The following LRP1B variants were observed in gnomAD, a reference collection of about 807,000 sequenced individuals.
The protein encoded by LRP1B is low-density lipoprotein receptor-related protein 1B.
A neutral mutation model predicts 556.6 loss-of-function variants in LRP1B; 217 were observed. That is an observed-to-expected ratio of 0.39 (90% CI 0.35 to 0.44). The LOEUF (loss-of-function observed/expected upper bound fraction) is 0.44. LRP1B is among the 20% of genes least tolerant of loss of function. The probability of loss-of-function intolerance (pLI) is 1.00; values close to 1 mark genes in which losing one functional copy is unlikely to be tolerated. For synonymous variants in LRP1B, 2,047 were observed against 1,865.8 expected (o/e 1.10, Z -2.50); for missense variants, 5,053 against 5,620.8 (o/e 0.90, Z 3.23).
At chr2:140,775,975 C>CT (rs1248260640) in intron 33 of LRP1B, 123 bp downstream of exon 33, 2 of 837,830 alleles carry the variant, frequency 2.4e-6, no homozygotes, top group African/African-American at 3.6e-5. Flanking sequence ...CAACATTTTC[C>CT]TTTTTTCTCT....
intron 7 of LRP1B, among the ~76,000 whole-genome samples, chr2:141,079,101 ACT>A (rs1699862819): frequency 6.6e-6 from 1 of 152,192 alleles, no homozygotes; most frequent in African/African-American, 2.4e-5. Context: ...ATAAACCCAC[ACT>A]TTCTTATAGT....
At chr2:142,054,619 A>G (rs1382317244) in intron 1 of LRP1B, among the ~76,000 whole-genome samples, 2 of 152,144 alleles carry the variant, frequency 1.3e-5, no homozygotes, top group Admixed American at 1.3e-4. Flanking sequence ...TTCGGCTTGT[A>G]TTACATTATT....
At chr2:141,832,666 A>G (rs1345685234) in intron 1 of LRP1B, among the ~76,000 whole-genome samples, 1 of 151,776 alleles carries the variant, frequency 6.6e-6, no homozygotes, top group Admixed American at 6.6e-5. Context: ...ATTTTCAAAA[A>G]CTTATTGGAT....
chr2:141,480,189 G>GTT lies in LRP1B; in HGVS notation c.343+206_343+207insAA, dbSNP rs1252212208. 5.1e-4 allele frequency among the ~76,000 whole-genome samples: 75 copies of GTT among 148,390 alleles called. 2 individuals carry two copies. The highest frequency in any genetic ancestry group is 4.3e-3 in the Admixed American group (64 of 14,836). On this transcript the variant is annotated intron_variant, in intron 3 of 90. Transcript: ENST00000389484. ...TGTGTGTGTGTGTGTGTGTGTGTGT[G>GTT]TGTGTTGTCTAATGGTGTTTTTTTG... is the stretch of plus-strand genomic sequence containing the variant.
At chr2:141,696,765 A>T (rs1211165447) in intron 2 of LRP1B, among the ~76,000 whole-genome samples, 2 of 151,958 alleles carry the variant, frequency 1.3e-5, no homozygotes, top group East Asian at 3.9e-4. Flanking sequence ...TAAGAAACTA[A>T]ATATGTAGAA....
intron 3 of LRP1B, among the ~76,000 whole-genome samples, chr2:141,457,188 T>C (rs1681666914): frequency 6.6e-6 from 1 of 152,144 alleles, no homozygotes; most frequent in Non-Finnish European, 1.5e-5. Flanking sequence ...GTGACATGTT[T>C]TGGGTCAGGG....
chr2:140,949,459 CT>C (rs1343849559), intron 20 of LRP1B, among the ~76,000 whole-genome samples: 1 of 152,232 alleles, frequency 6.6e-6, no homozygotes, highest in African/African-American at 2.4e-5. Context: ...TCATAATCTC[CT>C]TCCTTTCTTA....
At chr2:141,321,112 A>G (rs1687221103) in intron 3 of LRP1B, among the ~76,000 whole-genome samples, 1 of 152,150 alleles carries the variant, frequency 6.6e-6, no homozygotes, top group Non-Finnish European at 1.5e-5. Flanking sequence ...GAAAACATAT[A>G]ATGTGGCAGG....
At chr2:140,716,596 T>G in intron 36 of LRP1B, 86 bp downstream of exon 36, 15 of 1,346,060 alleles carry the variant, frequency 1.1e-5, no homozygotes, top group Non-Finnish European at 1.1e-5. Context: ...AGCACTGTTA[T>G]GAGTTAGAAA....
At chr2:141,191,066 G>A (rs1681481828) in intron 6 of LRP1B, among the ~76,000 whole-genome samples, 2 of 151,864 alleles carry the variant, frequency 1.3e-5, no homozygotes, top group Non-Finnish European at 2.9e-5. Context: ...CTGAACAGGT[G>A]ATGCTAAATG....
intron 1 of LRP1B, among the ~76,000 whole-genome samples, chr2:141,812,730 A>G (rs1696398455): frequency 6.6e-6 from 1 of 152,166 alleles, no homozygotes; most frequent in African/African-American, 2.4e-5. Context: ...CTACAAAGCC[A>G]TCTCCTAGGA....
rs942087686 is a variant in LRP1B, at chr2:141,081,662, T to C, written c.1014-19389A>G. On this transcript the variant is annotated intron_variant, in intron 7 of 90. Coordinates refer to ENST00000389484, the MANE Select transcript of LRP1B (RefSeq NM_018557.3). Reference sequence around the variant, plus strand: ...GTAGGGAAAAATAGCTTGGTGAGTATCATTTCCATATTAAATTAGCCAATA... The same window carrying C: ...GTAGGGAAAAATAGCTTGGTGAGTACCATTTCCATATTAAATTAGCCAATA... Among the ~76,000 whole-genome samples, 20 of 151,386 alleles carry C rather than the reference T, an allele frequency of 1.3e-4. 1 individual carries two copies. The highest frequency in any genetic ancestry group is 1.5e-5 in the Non-Finnish European group (1 of 67,908).
intron 50 of LRP1B, among the ~76,000 whole-genome samples, chr2:140,516,491 C>G (rs941142965): frequency 6.6e-6 from 1 of 151,912 alleles, no homozygotes; most frequent in Non-Finnish European, 1.5e-5. Flanking sequence ...AGACCCAATC[C>G]CCCATGCAGA....
intron 2 of LRP1B, among the ~76,000 whole-genome samples, chr2:141,486,999 T>C (rs4441406): frequency 0.97 from 148,277 of 152,206 alleles, 72,336 homozygotes; most frequent in East Asian, 1. Context: ...TCTTAGAACA[T>C]TTTCCACCAT....
chr2:142,127,292 T>C (rs1400350782), intron 1 of LRP1B, among the ~76,000 whole-genome samples: 1 of 151,864 alleles, frequency 6.6e-6, no homozygotes, highest in Non-Finnish European at 1.5e-5. Context: ...GATAAAAACA[T>C]TTTAAGAAAT....
intron 66 of LRP1B, among the ~76,000 whole-genome samples, chr2:140,436,844 C>T (rs1686205444): frequency 1.3e-5 from 2 of 152,080 alleles, no homozygotes; most frequent in African/African-American, 4.8e-5. Flanking sequence ...AGATAAGTGT[C>T]ACACTCACCT....
intron 2 of LRP1B, among the ~76,000 whole-genome samples, chr2:141,681,070 T>C (rs1203498199): frequency 6.6e-6 from 1 of 152,090 alleles, no homozygotes; most frequent in East Asian, 1.9e-4. Context: ...GGTGGGTAGA[T>C]TGCTTGAGCT....
At chr2:140,970,631 C>A (rs1696383658) in intron 18 of LRP1B, among the ~76,000 whole-genome samples, 1 of 150,314 alleles carries the variant, frequency 6.7e-6, no homozygotes, top group Non-Finnish European at 1.5e-5. Flanking sequence ...CTGGGAGCTG[C>A]AGACTGGAGC....
intron 2 of LRP1B, among the ~76,000 whole-genome samples, chr2:141,484,513 A>C (rs1027233363): frequency 2.6e-5 from 4 of 152,008 alleles, no homozygotes; most frequent in African/African-American, 9.6e-5. Context: ...GTCATTGGTA[A>C]CTTGATGGGG....
Sources: gnomAD v4.1 joint callset for allele counts (sites outside exome capture counted in the v4.1 genomes callset) on GRCh38, gnomAD v4.1.1 for gene constraint, MANE v1.5 for transcripts, NCBI Gene and HGNC (gene_info 2026-07-23, HGNC 2026-07-21) for gene names.